KCNN2: variants seen among roughly 807,000 people sequenced by gnomAD.
KCNN2 encodes potassium calcium-activated channel subfamily N member 2.
In KCNN2, 24 loss-of-function variants were observed where a neutral mutation model predicts 55.5. The observed-to-expected ratio is 0.43, with a 90% CI of 0.31 to 0.61. The LOEUF is 0.61. Ranked by LOEUF, KCNN2 falls within the 20% of genes least tolerant of loss-of-function variation. The pLI, the probability that KCNN2 is intolerant of heterozygous loss-of-function variation, is 0.08. For synonymous variants in KCNN2, 431 were observed against 336.1 expected (o/e 1.28, Z -3.09); for missense variants, 754 against 853.6 (o/e 0.88, Z 1.45).
At chr5:114,391,458 G>C (rs1026127123) in intron 2 of KCNN2, among the ~76,000 whole-genome samples, 5 of 152,018 alleles carry the variant, frequency 3.3e-5, no homozygotes, top group Non-Finnish European at 5.9e-5. Flanking sequence ...CTAGTAAGTG[G>C]TCAAGCCAGA....
chr5:114,439,116 C>A (rs774588994), intron 3 of KCNN2, among the ~76,000 whole-genome samples: 2 of 152,076 alleles, frequency 1.3e-5, no homozygotes, highest in Admixed American at 6.6e-5. Flanking sequence ...TAACCTTTTG[C>A]GTAACATCTA....
chr5:114,199,973 A>C (rs542764398), intron 1 of KCNN2, among the ~76,000 whole-genome samples: 1 of 152,180 alleles, frequency 6.6e-6, no homozygotes, highest in East Asian at 1.9e-4. Flanking sequence ...AGATATTCTG[A>C]ACTCTATATG....
At chr5:114,282,939 G>A (rs1160840555) in intron 2 of KCNN2, among the ~76,000 whole-genome samples, 1 of 152,092 alleles carries the variant, frequency 6.6e-6, no homozygotes, top group Non-Finnish European at 1.5e-5. Context: ...ATCAGTTATA[G>A]TCTGTGCTAC....
intron 2 of KCNN2, among the ~76,000 whole-genome samples, chr5:114,399,859 C>T (rs1035999797): frequency 6.8e-6 from 1 of 148,008 alleles, no homozygotes; most frequent in Non-Finnish European, 1.5e-5. Context: ...AGGAATTTTT[C>T]TATTTCCTCT....
At chr5:114,291,653 A>T (rs573519179) in intron 2 of KCNN2, among the ~76,000 whole-genome samples, 2 of 152,314 alleles carry the variant, frequency 1.3e-5, no homozygotes, top group African/African-American at 4.8e-5. Flanking sequence ...ATAAACATAC[A>T]TGTGCATGTG....
chr5:114,114,621 A>G lies in KCNN2; in HGVS notation c.-271+58121A>G, dbSNP rs1218184356. 2.6e-5 allele frequency among the ~76,000 whole-genome samples: 4 copies of G among 152,136 alleles called. No homozygotes were observed. In the East Asian group the frequency reaches 7.7e-4, roughly 29 times the overall value. On this transcript the variant is annotated intron_variant, in intron 1 of 10. Transcript: ENST00000512097. ...AATGAAAACATGGCTCCTCTCATGGACTATGAATAAAATGGAGTGATTGTA... is the reference window on the plus strand; with the variant it reads ...AATGAAAACATGGCTCCTCTCATGGGCTATGAATAAAATGGAGTGATTGTA...
chr5:114,202,113 C>T (rs1342441442), intron 1 of KCNN2, among the ~76,000 whole-genome samples: 1 of 152,082 alleles, frequency 6.6e-6, no homozygotes, highest in African/African-American at 2.4e-5. Context: ...GCAGCAGCTG[C>T]AGCCCTGTCT....
Position 114,195,610 on chromosome 5 carries a change from A to G in KCNN2, c.-270-25870A>G, listed in dbSNP as rs575678230. Among the ~76,000 whole-genome samples the G allele has an allele frequency of 2.8e-4, 43 of 152,084 alleles. No homozygotes were observed. In the South Asian group the frequency reaches 5.8e-3, roughly 21 times the overall value. ...TTACTTAGGATTTTCTATATACAAA[A>G]TTATGTCACCTATGAAGAGAGATAG... On this transcript the variant is annotated intron_variant, in intron 1 of 10. Coordinates refer to the KCNN2 transcript ENST00000512097.
intron 1 of KCNN2, among the ~76,000 whole-genome samples, chr5:114,198,463 T>TACACAC (rs56335930): frequency 0.29 from 42,163 of 147,738 alleles, 6,765 homozygotes; most frequent in Non-Finnish European, 0.37. Flanking sequence ...TATATACATA[T>TACACAC]ACACACACAC....
intron 5 of KCNN2, among the ~76,000 whole-genome samples, chr5:114,478,665 C>G (rs1445459586): frequency 1.3e-5 from 2 of 152,066 alleles, no homozygotes; most frequent in Admixed American, 6.6e-5. Context: ...GGCCAGATCA[C>G]TTATGAAATA....
At chr5:114,219,373 C>G (rs1580630800) in intron 1 of KCNN2, among the ~76,000 whole-genome samples, 1 of 152,122 alleles carries the variant, frequency 6.6e-6, no homozygotes, top group East Asian at 1.9e-4. Flanking sequence ...TGAGGTCACC[C>G]AAACAAATTG....
At chr5:114,208,022 G>C (rs371479881) in intron 1 of KCNN2, among the ~76,000 whole-genome samples, 1 of 152,198 alleles carries the variant, frequency 6.6e-6, no homozygotes, top group East Asian at 1.9e-4. Flanking sequence ...GTTGTGACTG[G>C]CACTGGGTTC....
chr5:114,366,018 A>G (rs1757589305), intron 2 of KCNN2, among the ~76,000 whole-genome samples: 1 of 152,220 alleles, frequency 6.6e-6, no homozygotes, highest in Non-Finnish European at 1.5e-5. Flanking sequence ...GAAGTAATTC[A>G]TAGGAGTCTA....
At chr5:114,151,933 T>A (rs559832472) in intron 1 of KCNN2, among the ~76,000 whole-genome samples, 3 of 152,318 alleles carry the variant, frequency 2.0e-5, no homozygotes. Flanking sequence ...TAGATAAAAA[T>A]GAGGAAATTA....
chr5:114,354,898 G>C (rs1489940665), intron 2 of KCNN2, among the ~76,000 whole-genome samples: 1 of 152,142 alleles, frequency 6.6e-6, no homozygotes, highest in Non-Finnish European at 1.5e-5. Context: ...GAACAAAAGT[G>C]CTAATGGATT....
intron 3 of KCNN2, among the ~76,000 whole-genome samples, chr5:114,407,982 A>G (rs1411161314): frequency 6.6e-6 from 1 of 152,192 alleles, no homozygotes; most frequent in African/African-American, 2.4e-5. Flanking sequence ...CTGTGTGTCT[A>G]ACTGCCTCTA....
chr5:114,443,460 T>G (rs986489441), intron 3 of KCNN2, among the ~76,000 whole-genome samples: 2 of 152,242 alleles, frequency 1.3e-5, no homozygotes, highest in African/African-American at 4.8e-5. Context: ...AGAAAGAACT[T>G]TAGAATCATT....
chr5:114,188,619 G>T (rs1268140442), intron 1 of KCNN2, among the ~76,000 whole-genome samples: 1 of 152,094 alleles, frequency 6.6e-6, no homozygotes, highest in Non-Finnish European at 1.5e-5. Context: ...AATTCAGCAA[G>T]CTTTTTGAAT....
intron 5 of KCNN2, among the ~76,000 whole-genome samples, chr5:114,475,745 A>G (rs1761936407): frequency 6.6e-6 from 1 of 152,084 alleles, no homozygotes; most frequent in African/African-American, 2.4e-5. Flanking sequence ...AAGTCCGGTC[A>G]GAGGCCCCTT....
Sources: allele counts gnomAD v4.1 joint callset (sites outside exome capture counted in the v4.1 genomes callset), GRCh38; gene constraint gnomAD v4.1.1; transcripts MANE v1.5; gene names NCBI Gene and HGNC (gene_info 2026-07-23, HGNC 2026-07-21).